BRCA1: variants seen among roughly 807,000 people sequenced by gnomAD.
The protein encoded by BRCA1 is BRCA1 DNA repair associated.
BRCA1 carries 140 observed loss-of-function variants against 173.7 expected under a neutral mutation model. The observed-to-expected ratio is 0.81, with a 90% CI of 0.70 to 0.93. The LOEUF (loss-of-function observed/expected upper bound fraction) is 0.93. BRCA1 is among the 40% of genes least tolerant of loss of function. BRCA1 has a pLI of 0.00. For synonymous variants in BRCA1, 662 were observed against 756.0 expected (o/e 0.88, Z 2.04); for missense variants, 1,983 against 2,172.5 (o/e 0.91, Z 1.73).
intron 20 of BRCA1, chr17:43,049,969 A>C (rs2051138651): frequency 2.5e-6 from 1 of 398,194 alleles, no homozygotes; most frequent in Non-Finnish European, 4.4e-6. Context: ...CACTATACCA[A>C]AGTAAAAAAA....
At chr17:43,080,517 A>C (rs1355521560) in intron 12 of BRCA1, among the ~76,000 whole-genome samples, 1 of 151,852 alleles carries the variant, frequency 6.6e-6, no homozygotes. Context: ...TTTTACTAGA[A>C]GTTCTGGCCA....
At chr17:43,099,617 G>A (rs1339974060) in intron 7 of BRCA1, among the ~76,000 whole-genome samples, 158 bp downstream of exon 7, 2 of 152,016 alleles carry the variant, frequency 1.3e-5, no homozygotes, top group Admixed American at 6.6e-5. Context: ...TGGGAACTGC[G>A]TCTTTTACAT....
At position 43,094,071 on chromosome 17, in the gene BRCA1, A is replaced by C. The variant is rs748812609; in HGVS notation, c.1460T>G (p.Val487Gly). 16 of 1,614,154 alleles carry C rather than the reference A, an allele frequency of 9.9e-6. No individual in the cohort carries two copies. The South Asian group carries it at 1.8e-4, about 18-fold the overall frequency. Residue 487 changes from valine to glycine, a missense_variant, in exon 10 of 23, where the codon GTT becomes GGT. Transcript: ENST00000357654. ...VTENLIIGAF[V>G]TEPQIIQERP... ...CTCTTGTATTATCTGTGGCTCAGTA[A>C]CAAATGCTCCTATAATTAGATTTTC...
rs2052751613 is a variant in BRCA1, at chr17:43,076,675, G to C, written c.4358-61C>G. ...GCTTTGTTCTGATAGTGATAATTCAGGTTAGAATACTGATTTTTTTCAAAA... is the reference window on the plus strand; with the variant it reads ...GCTTTGTTCTGATAGTGATAATTCACGTTAGAATACTGATTTTTTTCAAAA... On this transcript the variant is annotated intron_variant, in intron 12 of 22. Coordinates refer to ENST00000357654, the MANE Select transcript of BRCA1 (RefSeq NM_007294.4). 9.4e-6 allele frequency: 15 copies of C among 1,587,738 alleles called. No homozygotes were observed. The South Asian group carries it at 1.7e-4, about 18-fold the overall frequency.
chr17:43,144,273 C>A, intron 1 of BRCA1: 1 of 293,434 alleles, frequency 3.4e-6, no homozygotes, highest in Non-Finnish European at 6.8e-6. Context: ...GCGAAAAGCC[C>A]CCTACCATGT....
chr17:43,144,752 G>A (rs934104549), intron 1 of BRCA1: 1 of 309,676 alleles, frequency 3.2e-6, no homozygotes, highest in African/African-American at 2.2e-5. Context: ...CAGGCATGGT[G>A]GCTCATGCCT....
chr17:43,093,851 A>G lies in BRCA1; in HGVS notation c.1680T>C (p.Asp560=), dbSNP rs2154430469. 5 of 1,613,600 alleles carry G rather than the reference A, an allele frequency of 3.1e-6. No homozygotes were observed. Among genetic ancestry groups the G allele is most frequent in the Non-Finnish European group, 4.2e-6 (5 of 1,179,934 alleles). The change falls in exon 10 of 23, where the codon GAT becomes GAC. Residue 560 remains aspartate, a synonymous_variant. Coordinates refer to ENST00000357654, the MANE Select transcript of BRCA1 (RefSeq NM_007294.4). ...TAGGATTTTTCTCATTCTGAATAGA[A>G]TCACCTTTTGTTTTATTCTCATGAC... ...NSGHENKTKG[D]SIQNEKNPNP...
intron 20 of BRCA1, chr17:43,050,061 C>T (rs2051142722): frequency 5.0e-6 from 2 of 398,596 alleles, no homozygotes; most frequent in East Asian, 3.6e-5. Flanking sequence ...AACAAAATTA[C>T]ATTGCAGCCA....
At chr17:43,056,994 G>A (rs2153345672) in intron 19 of BRCA1, 58 bp downstream of exon 19, 3 of 1,478,980 alleles carry the variant, frequency 2.0e-6, no homozygotes, top group Non-Finnish European at 2.8e-6. Flanking sequence ...CTGCAAAGGG[G>A]AGTGGAATAC....
intron 3 of BRCA1, chr17:43,112,721 CCTGA>C (rs1336875389): frequency 5.5e-5 from 4 of 72,160 alleles, no homozygotes; most frequent in Non-Finnish European, 7.6e-5. Flanking sequence ...CTATCACAAT[CCTGA>C]CTATCACAAG....
intron 1 of BRCA1, 44 bp from the exon 2 acceptor site, chr17:43,124,159 GTTTATAAAATGACAACTTCATTTTATCAT>G: frequency 8.6e-7 from 1 of 1,160,820 alleles, no homozygotes; most frequent in Non-Finnish European, 1.2e-6. Flanking sequence ...TTTTTAAAAG[GTTTATAAAATGACAACTTCATTTTATCAT>G]TTTAAAATAA....
chr17:43,104,307 T>C (rs775978427), intron 5 of BRCA1, 46 bp from the exon 6 acceptor site: 1 of 1,582,118 alleles, frequency 6.3e-7, no homozygotes, highest in Non-Finnish European at 8.7e-7. Flanking sequence ...TAGAGAAAAA[T>C]GTATGAATTA....
chr17:43,118,221 C>T (rs981092361), intron 2 of BRCA1, among the ~76,000 whole-genome samples: 13 of 152,034 alleles, frequency 8.6e-5, no homozygotes, highest in African/African-American at 2.9e-4. Flanking sequence ...CTGAGCAGGA[C>T]CATGCCTGTG....
rs1360586320 is a variant in BRCA1, at chr17:43,125,311, G to A, written c.-60C>T. On this transcript the variant is annotated 5_prime_UTR_variant, in exon 1 of 23. Transcript: ENST00000357654. ...AGGGTGAAGGCCTCCTGAGCGCAGGGGCCCAGTTATCTGAGAAACCCCACA... is the reference window on the plus strand; with the variant it reads ...AGGGTGAAGGCCTCCTGAGCGCAGGAGCCCAGTTATCTGAGAAACCCCACA... 1.8e-5 allele frequency: 8 copies of A among 455,942 alleles called. No homozygotes were observed. The highest frequency in any genetic ancestry group is 3.1e-5 in the Non-Finnish European group (7 of 226,840). The allele number at this position is 455,942 out of a possible 1,614,324, so 28.2% of individuals were successfully genotyped here.
intron 1 of BRCA1, chr17:43,153,735 TTATAGGCCTAATCA>T (rs2056178232): frequency 6.6e-6 from 1 of 152,220 alleles, no homozygotes; most frequent in Non-Finnish European, 1.5e-5. Context: ...TAAATTAGAC[TTATAGGCCTAATCA>T]AATTCAGGTT....
chr17:43,134,957 C>T (rs908876283), intron 1 of BRCA1, among the ~76,000 whole-genome samples: 2 of 152,256 alleles, frequency 1.3e-5, no homozygotes. Context: ...ACCCCCACAG[C>T]AGGTCTCCTC....
At chr17:43,055,341 T>C (rs1229667304) in intron 19 of BRCA1, among the ~76,000 whole-genome samples, 2 of 152,188 alleles carry the variant, frequency 1.3e-5, no homozygotes, top group Non-Finnish European at 2.9e-5. Flanking sequence ...AACTATAGTA[T>C]TGTTGTTAAG....
intron 14 of BRCA1, among the ~76,000 whole-genome samples, chr17:43,071,879 G>A (rs1405800663): frequency 1.3e-5 from 2 of 150,566 alleles, no homozygotes; most frequent in Non-Finnish European, 3.0e-5. Flanking sequence ...GTGGTGGCGG[G>A]CGCCTGTAGT....
chr17:43,059,578 A>G (rs766477679), intron 18 of BRCA1, among the ~76,000 whole-genome samples: 5 of 152,072 alleles, frequency 3.3e-5, no homozygotes, highest in Non-Finnish European at 7.4e-5. Flanking sequence ...CCACTCCCCC[A>G]TATTCCCTAC....
Sources: allele counts gnomAD v4.1 joint callset (sites outside exome capture counted in the v4.1 genomes callset), GRCh38; gene constraint gnomAD v4.1.1; transcripts MANE v1.5; gene names NCBI Gene and HGNC (gene_info 2026-07-23, HGNC 2026-07-21).